Variants in SLC8A1 observed in about 807,000 individuals in gnomAD.
SLC8A1 encodes solute carrier family 8 member A1, also known as sodium/calcium exchanger 1.
SLC8A1 carries 18 observed loss-of-function variants against 68.3 expected under a neutral mutation model. The observed-to-expected ratio is 0.26, with a 90% CI of 0.18 to 0.39. The LOEUF is 0.39. SLC8A1 is among the 10% of genes least tolerant of loss of function. SLC8A1 has a pLI of 1.00. For synonymous variants in SLC8A1, 475 were observed against 415.5 expected, an observed-to-expected ratio of 1.14 and a Z score of -1.74; for missense variants, 985 against 1,156.7, an observed-to-expected ratio of 0.85 and a Z score of 2.15.
chr2:40,247,094 A>G (rs774918907), intron 2 of SLC8A1, among the ~76,000 whole-genome samples: 2 of 152,168 alleles, frequency 1.3e-5, no homozygotes, highest in African/African-American at 2.4e-5. Context: ...GATTAGTATT[A>G]TAGGAGAGTT....
chr2:40,346,670 G>C (rs1034577750), intron 2 of SLC8A1, among the ~76,000 whole-genome samples: 2 of 152,150 alleles, frequency 1.3e-5, no homozygotes, highest in Admixed American at 6.6e-5. Context: ...GGAAGGCAGA[G>C]AGGGGAAAAA....
chr2:40,186,978 C>G (rs943395819), intron 2 of SLC8A1, among the ~76,000 whole-genome samples: 1 of 152,066 alleles, frequency 6.6e-6, no homozygotes, highest in Non-Finnish European at 1.5e-5. Context: ...TACTATTATT[C>G]TTATTAGTTG....
In SLC8A1 at chr2:40,464,489, G is replaced by A. The variant is rs530152655; in HGVS notation, c.-24-34185C>T. 8.5e-5 allele frequency among the ~76,000 whole-genome samples: 13 copies of A among 152,334 alleles called. No individual in the cohort carries two copies. The South Asian group carries it at 2.5e-3, about 29-fold the overall frequency. ...GACCCATTTGTTTCTCCTCTTTGAG[G>A]TAAAGGGAAGAGGTTCCAAAAGAAT... On this transcript the variant is annotated intron_variant, in intron 1 of 7. Coordinates refer to the SLC8A1 transcript ENST00000402441.
chr2:40,260,707 C>T (rs749621733), intron 2 of SLC8A1, among the ~76,000 whole-genome samples: 7 of 150,694 alleles, frequency 4.6e-5, no homozygotes, highest in Non-Finnish European at 7.4e-5. Context: ...GAATTATTGA[C>T]CTTTCCTTTC....
intron 1 of SLC8A1, among the ~76,000 whole-genome samples, chr2:40,494,634 A>C (rs1705552811): frequency 8.0e-6 from 1 of 125,636 alleles, no homozygotes; most frequent in African/African-American, 3.1e-5. Context: ...CTAGAACTTA[A>C]AGTATAATAT....
intron 6 of SLC8A1, among the ~76,000 whole-genome samples, chr2:40,157,989 G>A (rs150202576): frequency 6.6e-6 from 1 of 152,162 alleles, no homozygotes; most frequent in African/African-American, 2.4e-5. Context: ...TTGCCACAGG[G>A]TTGACTTTGA....
intron 2 of SLC8A1, among the ~76,000 whole-genome samples, chr2:40,253,831 CAAAAAAAAAAAAAAAAA>C (rs61434245): frequency 3.3e-5 from 2 of 59,842 alleles, no homozygotes; most frequent in South Asian, 8.0e-4. Context: ...TGTCTGTCTC[CAAAAAAAAAAAAAAAAA>C]AAAAAAAAGG....
chr2:40,357,603 G>A (rs776785804), intron 2 of SLC8A1, among the ~76,000 whole-genome samples: 1 of 151,952 alleles, frequency 6.6e-6, no homozygotes, highest in East Asian at 1.9e-4. Context: ...CAGGTTGAAG[G>A]GAGCAGTAAA....
chr2:40,369,978 T>C (rs977666164), intron 2 of SLC8A1, among the ~76,000 whole-genome samples: 1 of 152,122 alleles, frequency 6.6e-6, no homozygotes, highest in Non-Finnish European at 1.5e-5. Flanking sequence ...TAAAGATCTA[T>C]AAAATAAAGA....
At chr2:40,119,375 C>T (rs938629549) in intron 7 of SLC8A1, among the ~76,000 whole-genome samples, 1 of 151,660 alleles carries the variant, frequency 6.6e-6, no homozygotes, top group African/African-American at 2.4e-5. Context: ...AAATCCAAAC[C>T]ACTAACCTTA....
intron 2 of SLC8A1, among the ~76,000 whole-genome samples, chr2:40,313,491 G>T (rs2074021821): frequency 6.6e-6 from 1 of 151,978 alleles, no homozygotes; most frequent in Non-Finnish European, 1.5e-5. Flanking sequence ...GTCTCCTAAG[G>T]TAGTCGTACC....
At chr2:40,252,846 ATGTATATATAC>A (rs2063029129) in intron 2 of SLC8A1, among the ~76,000 whole-genome samples, 2 of 113,290 alleles carry the variant, frequency 1.8e-5, no homozygotes, top group African/African-American at 3.9e-5. Context: ...GTATACATAT[ATGTATATATAC>A]ACATTTGATT....
chr2:40,372,773 G>A (rs1056237720), intron 2 of SLC8A1, among the ~76,000 whole-genome samples: 1 of 152,040 alleles, frequency 6.6e-6, no homozygotes, highest in African/African-American at 2.4e-5. Flanking sequence ...TAGTTAATAA[G>A]CCATCGCTTA....
intron 2 of SLC8A1, among the ~76,000 whole-genome samples, chr2:40,356,264 T>G (rs2149462463): frequency 6.6e-6 from 1 of 152,304 alleles, no homozygotes; most frequent in South Asian, 2.1e-4. Flanking sequence ...TTCCTTAATC[T>G]TCATTTCCTC....
At position 40,318,964 on chromosome 2, in the gene SLC8A1, T is replaced by C. The variant is rs186563075; in HGVS notation, c.1808+109509A>G. ...GTTACTGTTACTAGAATGTGAACAA[T>C]GATTCTATGGATTTGCCACTGCTAT... is the stretch of plus-strand genomic sequence containing the variant. On this transcript the variant is annotated intron_variant, in intron 2 of 7. Transcript: ENST00000406785. Among the ~76,000 whole-genome samples the C allele has an allele frequency of 5.7e-3, 861 of 152,164 alleles. 23 individuals are homozygous for C. The highest frequency in any genetic ancestry group is 2.8e-3 in the Non-Finnish European group (188 of 67,980).
intron 2 of SLC8A1, among the ~76,000 whole-genome samples, chr2:40,312,431 C>T (rs2073850899): frequency 6.6e-6 from 1 of 152,098 alleles, no homozygotes; most frequent in Admixed American, 6.6e-5. Flanking sequence ...CAGGAAACTT[C>T]ATCCTGTAAC....
Position 40,249,330 on chromosome 2 carries a change from G to C in SLC8A1, c.1809-71475C>G, listed in dbSNP as rs530329518. ...CTTTCAAAACCTTTTGAAATAAAGA[G>C]AACAGTGGTTGCAAAACTTTTAAGT... On this transcript the variant is annotated intron_variant, in intron 2 of 7. Transcript: ENST00000406785. 9.3e-4 allele frequency among the ~76,000 whole-genome samples: 141 copies of C among 152,208 alleles called. 1 individual carries two copies. The highest frequency in any genetic ancestry group is 3.0e-3 in the African/African-American group (124 of 41,524).
At chr2:40,413,972 A>G (rs1020281836) in intron 2 of SLC8A1, among the ~76,000 whole-genome samples, 2 of 152,282 alleles carry the variant, frequency 1.3e-5, no homozygotes, top group South Asian at 4.2e-4. Context: ...TTTGTTGAGC[A>G]TCATATTTTA....
intron 1 of SLC8A1, among the ~76,000 whole-genome samples, chr2:40,466,838 C>T (rs1325839993): frequency 2.6e-5 from 4 of 152,054 alleles, no homozygotes; most frequent in Non-Finnish European, 5.9e-5. Flanking sequence ...TTTTCATTCA[C>T]ATATTTATGC....
Sources: allele counts gnomAD v4.1 joint callset (sites outside exome capture counted in the v4.1 genomes callset), GRCh38; gene constraint gnomAD v4.1.1; transcripts MANE v1.5; gene names NCBI Gene and HGNC (gene_info 2026-07-23, HGNC 2026-07-21).